Variants in GAL observed in about 807,000 individuals in gnomAD.
The protein encoded by GAL is galanin peptides.
In GAL, 14 loss-of-function variants were observed where a neutral mutation model predicts 15.8. The ratio of observed to expected loss-of-function variants is 0.89; its 90% CI spans 0.59 to 1.39. The LOEUF (loss-of-function observed/expected upper bound fraction) is 1.39. GAL is among the 40% of genes most tolerant of loss of function. The probability of loss-of-function intolerance (pLI) is 0.00; values close to 1 mark genes in which losing one functional copy is unlikely to be tolerated. For synonymous variants in GAL, 79 were observed against 73.8 expected, an observed-to-expected ratio of 1.07 and a Z score of -0.36; for missense variants, 176 against 170.4, an observed-to-expected ratio of 1.03 and a Z score of -0.18.
chr11:68,685,451 G>A (rs1945842572), intron 2 of GAL, 143 bp from the exon 3 acceptor site: 1 of 669,926 alleles, frequency 1.5e-6, no homozygotes, highest in African/African-American at 1.8e-5. Flanking sequence ...GCCGACTTAG[G>A]GGTAAACCTG....
chr11:68,690,476 G>A (rs1490116640), intron 5 of GAL, among the ~76,000 whole-genome samples: 7 of 152,146 alleles, frequency 4.6e-5, no homozygotes, highest in Admixed American at 2.6e-4. Context: ...TGGAAAAGGC[G>A]GTGTTCATTA....
intron 3 of GAL, among the ~76,000 whole-genome samples, chr11:68,686,043 C>T (rs1011412998): frequency 6.6e-6 from 1 of 152,208 alleles, no homozygotes; most frequent in Admixed American, 6.5e-5. Flanking sequence ...TCTCCAAGCT[C>T]CACACGGGAA....
chr11:68,688,976 C>A, intron 5 of GAL, 50 bp downstream of exon 5: 1 of 885,766 alleles, frequency 1.1e-6, no homozygotes, highest in Non-Finnish European at 1.9e-6. Context: ...ACACTGGAAA[C>A]GTAAAAGGCC....
chr11:68,688,326 C>A (rs1272220380), intron 4 of GAL, among the ~76,000 whole-genome samples: 2 of 152,132 alleles, frequency 1.3e-5, no homozygotes, highest in Non-Finnish European at 2.9e-5. Context: ...TGCCCAGGCA[C>A]CAGGGCCTCC....
chr11:68,684,970 C>T lies in GAL; in HGVS notation c.47C>T (p.Ala16Val), dbSNP rs34725707. ...ALLLASLLLA[A>V]ALSASAGLWS... ...CTGCTCGCCTCCCTCCTCCTCGCCG[C>T]GGCCCTTTCTGCCTCTGCGGGGCTC... Residue 16 changes from alanine (A) to valine (V), a missense_variant, in exon 2 of 6, where the codon GCG becomes GTG. Physicochemically the swap from Ala to Val is moderately conservative, Grantham distance 64. Transcript: ENST00000265643. The T allele has an allele frequency of 9.2e-3, 14,837 of 1,608,498 alleles. 112 individuals carry two copies. The highest frequency in any genetic ancestry group is 0.017 in the Middle Eastern group (99 of 5,942).
rs1332942714 is a variant in GAL at position 68,691,097 on chromosome 11, C to T, written c.*110C>T. ...AGTCAGCCATTCCTGTTCTCTTTGCCTTGATGTTGTGTTGTTATCATTTAA... is the reference window on the plus strand; with the variant it reads ...AGTCAGCCATTCCTGTTCTCTTTGCTTTGATGTTGTGTTGTTATCATTTAA... On this transcript the variant is annotated 3_prime_UTR_variant, in exon 6 of 6. Transcript: ENST00000265643. The T allele has an allele frequency of 1.4e-6, 1 of 719,360 alleles. No individual in the cohort carries two copies. Among genetic ancestry groups the T allele is most frequent in the Non-Finnish European group, 2.5e-6 (1 of 399,336 alleles). The allele number at this position is 719,360 out of a possible 1,614,324, so 44.6% of individuals were successfully genotyped here.
intron 5 of GAL, 128 bp downstream of exon 5, chr11:68,689,054 G>T: frequency 1.6e-6 from 1 of 634,586 alleles, no homozygotes; most frequent in South Asian, 1.7e-5. Flanking sequence ...ACAAAGTCCT[G>T]TTTGGCTGTG....
At chr11:68,689,298 C>T (rs1011206605) in intron 5 of GAL, among the ~76,000 whole-genome samples, 1 of 152,130 alleles carries the variant, frequency 6.6e-6, no homozygotes, top group South Asian at 2.1e-4. Context: ...CGTCCTAAAC[C>T]TTTTCTCTTT....
chr11:68,687,947 C>A (rs543797567), intron 3 of GAL, 67 bp from the exon 4 acceptor site: 29 of 979,746 alleles, frequency 3.0e-5, no homozygotes, highest in South Asian at 1.6e-4. Flanking sequence ...CTGTGTCCTT[C>A]TTTGGGTGTG....
Position 68,687,392 on chromosome 11 carries a change from C to G in GAL, c.137-622C>G, listed in dbSNP as rs529214012. 1.4e-3 allele frequency among the ~76,000 whole-genome samples: 217 copies of G among 152,070 alleles called. 1 individual carries two copies. Among genetic ancestry groups the G allele is most frequent in the Non-Finnish European group, 1.2e-3 (79 of 67,992 alleles). On this transcript the variant is annotated intron_variant, in intron 3 of 5. Transcript: ENST00000265643. ...GATCTCTGTGCTTGCAATCACAGTT[C>G]CTCCATTTTCGCACCACGAAACACA...
intron 5 of GAL, among the ~76,000 whole-genome samples, chr11:68,689,375 C>CT (rs1945884780): frequency 6.6e-6 from 1 of 150,778 alleles, no homozygotes; most frequent in Admixed American, 6.6e-5. Flanking sequence ...TCCTTCCTTC[C>CT]TTTTTCTTCC....
chr11:68,684,619 C>G lies in GAL; in HGVS notation c.-114C>G. On this transcript the variant is annotated 5_prime_UTR_variant, in exon 1 of 6. Transcript: ENST00000265643. ...GCTGCCGGCCGCGCCATGCGGTGAG[C>G]GCCCCAGGCCGCCAGAGCCCACCCG... The G allele has an allele frequency of 3.6e-6, 1 of 275,244 alleles. No homozygotes were observed. The highest frequency in any genetic ancestry group is 6.8e-6 in the Non-Finnish European group (1 of 147,544). 17.1% of individuals were successfully genotyped at this position (275,244 alleles called of 1,614,324 possible).
At chr11:68,687,911 C>T (rs1033037014) in intron 3 of GAL, 103 bp from the exon 4 acceptor site, 10 of 719,530 alleles carry the variant, frequency 1.4e-5, no homozygotes, top group Middle Eastern at 2.4e-4. Flanking sequence ...AGTCGAGTTG[C>T]GTGTGTGTGT....
chr11:68,687,874 G>A, intron 3 of GAL, 140 bp from the exon 4 acceptor site: 1 of 637,366 alleles, frequency 1.6e-6, no homozygotes, highest in Non-Finnish European at 2.9e-6. Context: ...CCTCTGCTCT[G>A]GTGTCTGTCC....
rs540782765 is a variant in GAL at position 68,690,955 on chromosome 11, G to A, written c.340G>A (p.Ala114Thr). The change falls in exon 6 of 6, where the codon GCA becomes ACA. Residue 114 changes from alanine (A) to threonine (T), a missense_variant. Transcript: ENST00000265643. ...CGACCGCCTCCTGGATCTCCCCGCC[G>A]CAGCCTCCTCAGAAGACATCGAGCG... ...ALDRLLDLPA[A>T]ASSEDIERS is the part of the protein sequence containing the mutation. 16 of 1,612,976 alleles carry A rather than the reference G, an allele frequency of 9.9e-6. No individual in the cohort carries two copies. The highest frequency in any genetic ancestry group is 9.3e-5 in the African/African-American group (7 of 74,988).
chr11:68,687,248 C>A (rs1254953803), intron 3 of GAL, among the ~76,000 whole-genome samples: 2 of 152,164 alleles, frequency 1.3e-5, no homozygotes, highest in East Asian at 3.9e-4. Flanking sequence ...GAGGCGTCCT[C>A]ACCCTCGTCC....
chr11:68,684,871 G>C (rs757656349), intron 1 of GAL, 53 bp from the exon 2 acceptor site: 73 of 1,152,556 alleles, frequency 6.3e-5, no homozygotes, highest in Non-Finnish European at 9.0e-5. Context: ...TCCTTGCCTC[G>C]GGGCGCAGCC....
rs777842785 is a variant in GAL at position 68,690,980 on chromosome 11, G to A, written c.365G>A (p.Arg122Gln). The A allele has an allele frequency of 6.8e-6, 11 of 1,607,582 alleles. No homozygotes were observed. The highest frequency in any genetic ancestry group is 1.7e-5 in the Admixed American group (1 of 60,026). Residue 122 changes from arginine (R) to glutamine (Q), a missense_variant, in exon 6 of 6, where the codon CGG becomes CAG. Coordinates refer to ENST00000265643, the MANE Select transcript of GAL (RefSeq NM_015973.5). ...PAAASSEDIE[R>Q]S ...GCAGCCTCCTCAGAAGACATCGAGCGGTCCTGAGAGCCTCCTGGGCATGTT... is the reference window on the plus strand; with the variant it reads ...GCAGCCTCCTCAGAAGACATCGAGCAGTCCTGAGAGCCTCCTGGGCATGTT...
rs201644659 is a variant in GAL at position 68,685,000 on chromosome 11, C to T, written c.77C>T (p.Ser26Leu). ...CTTTCTGCCTCTGCGGGGCTCTGGTCGCCGGTAAGTGCGGGGCGCGTCTCC... is the reference window on the plus strand; with the variant it reads ...CTTTCTGCCTCTGCGGGGCTCTGGTTGCCGGTAAGTGCGGGGCGCGTCTCC... ...AALSASAGLWSPAKEKRGWTL... is the reference protein window; with the variant it reads ...AALSASAGLWLPAKEKRGWTL... Residue 26 changes from serine to leucine, a missense_variant, in exon 2 of 6, where the codon TCG (serine) becomes TTG (leucine). Transcript: ENST00000265643. The T allele has an allele frequency of 2.6e-5, 41 of 1,593,966 alleles. No individual in the cohort carries two copies. Among genetic ancestry groups the T allele is most frequent in the African/African-American group, 5.4e-5 (4 of 74,490 alleles).
Sources: allele counts gnomAD v4.1 joint callset (sites outside exome capture counted in the v4.1 genomes callset), GRCh38; gene constraint gnomAD v4.1.1; transcripts MANE v1.5; gene names NCBI Gene and HGNC (gene_info 2026-07-23, HGNC 2026-07-21).